Variants in RBFOX1 observed in about 807,000 individuals in gnomAD.
RBFOX1 encodes RNA binding fox-1 homolog 1.
Under a neutral mutation model 57.7 loss-of-function variants are expected in RBFOX1, and 8 were observed. The ratio of observed to expected loss-of-function variants is 0.14; its 90% confidence interval spans 0.08 to 0.25. RBFOX1 has a LOEUF of 0.25. RBFOX1 is among the 10% of genes least tolerant of loss of function. The probability of loss-of-function intolerance (pLI) is 1.00; values close to 1 mark genes in which losing one functional copy is unlikely to be tolerated. For synonymous variants in RBFOX1, 326 were observed against 222.4 expected (o/e 1.47, Z -4.15); for missense variants, 611 against 548.5 (o/e 1.11, Z -1.14).
chr16:6,995,544 C>G (rs541714039), intron 3 of RBFOX1, among the ~76,000 whole-genome samples: 1 of 152,180 alleles, frequency 6.6e-6, no homozygotes, highest in South Asian at 2.1e-4. Context: ...GAGGGTGGAT[C>G]ACCTTAGGTC....
At chr16:5,786,647 C>T (rs1567540681) in intron 3 of RBFOX1, among the ~76,000 whole-genome samples, 1 of 152,164 alleles carries the variant, frequency 6.6e-6, no homozygotes, top group Non-Finnish European at 1.5e-5. Flanking sequence ...CTTAGCATGC[C>T]CACTGCCCTC....
intron 4 of RBFOX1, among the ~76,000 whole-genome samples, chr16:5,905,970 C>A (rs779313973): frequency 5.9e-5 from 9 of 152,156 alleles, no homozygotes; most frequent in Non-Finnish European, 1.2e-4. Flanking sequence ...CAAAGCCCTA[C>A]CTTAGGATGT....
At chr16:5,891,686 G>A (rs533934179) in intron 4 of RBFOX1, among the ~76,000 whole-genome samples, 5 of 152,276 alleles carry the variant, frequency 3.3e-5, no homozygotes, top group Admixed American at 1.3e-4. Flanking sequence ...GCAGAGACTG[G>A]ACTCATGAAG....
intron 2 of RBFOX1, among the ~76,000 whole-genome samples, chr16:6,461,599 A>T (rs2094923092): frequency 6.6e-6 from 1 of 152,224 alleles, no homozygotes; most frequent in African/African-American, 2.4e-5. Flanking sequence ...TGTGATGTGG[A>T]ATTTTAACTT....
chr16:6,200,278 C>T (rs1273261632), intron 1 of RBFOX1, among the ~76,000 whole-genome samples: 1 of 152,192 alleles, frequency 6.6e-6, no homozygotes, highest in East Asian at 1.9e-4. Flanking sequence ...TGGACGGTCT[C>T]TCTGCATCCC....
At chr16:5,532,796 G>C (rs1163119628) in intron 2 of RBFOX1, among the ~76,000 whole-genome samples, 1 of 152,146 alleles carries the variant, frequency 6.6e-6, no homozygotes, top group East Asian at 1.9e-4. Flanking sequence ...TGGGGTGGTG[G>C]GTTGTGAGGC....
intron 3 of RBFOX1, among the ~76,000 whole-genome samples, chr16:5,754,426 C>G (rs1346241282): frequency 6.6e-6 from 1 of 151,666 alleles, no homozygotes; most frequent in Non-Finnish European, 1.5e-5. Flanking sequence ...GTGGGTGTTT[C>G]TCGTAAGGTG....
intron 4 of RBFOX1, among the ~76,000 whole-genome samples, chr16:7,434,214 A>G (rs957422980): frequency 6.6e-6 from 1 of 152,102 alleles, no homozygotes; most frequent in Non-Finnish European, 1.5e-5. Context: ...GCTCACGGCT[A>G]TAATCCCCGC....
intron 2 of RBFOX1, among the ~76,000 whole-genome samples, chr16:6,548,103 T>C (rs566828204): frequency 2.3e-4 from 35 of 152,324 alleles, no homozygotes; most frequent in African/African-American, 8.4e-4. Flanking sequence ...GATACACATA[T>C]TTCACATACT....
intron 3 of RBFOX1, among the ~76,000 whole-genome samples, chr16:6,842,292 C>G (rs1475317146): frequency 6.6e-6 from 1 of 150,416 alleles, no homozygotes; most frequent in Non-Finnish European, 1.5e-5. Flanking sequence ...ATAAAAACAA[C>G]TTTCTTAATT....
chr16:5,552,494 T>G (rs1157393391), intron 2 of RBFOX1, among the ~76,000 whole-genome samples: 1 of 152,312 alleles, frequency 6.6e-6, no homozygotes, highest in East Asian at 1.9e-4. Context: ...CAGGAAAGTT[T>G]AGTAACTTAC....
At chr16:6,680,294 T>A (rs12922737) in intron 3 of RBFOX1, among the ~76,000 whole-genome samples, 4 of 103,032 alleles carry the variant, frequency 3.9e-5, no homozygotes, top group South Asian at 3.5e-4. Flanking sequence ...TTTTTTTTTT[T>A]ATTTGTCGCC....
Position 6,431,484 on chromosome 16 carries a change from C to G in RBFOX1, c.-64+114427C>G, listed in dbSNP as rs117308445. 9.6e-3 allele frequency among the ~76,000 whole-genome samples: 1,460 copies of G among 152,064 alleles called. 20 individuals carry two copies. Among genetic ancestry groups the G allele is most frequent in the Non-Finnish European group, 0.015 (1,001 of 68,016 alleles). ...CACGTGGTACTTCTCAACAGGCAGA[C>G]CAGGTATCTGAGTAAATGTCTGCTC... is the stretch of plus-strand genomic sequence containing the variant. On this transcript the variant is annotated intron_variant, in intron 2 of 15. Transcript: ENST00000550418.
chr16:7,239,927 A>C (rs17142936), intron 4 of RBFOX1, among the ~76,000 whole-genome samples: 2,520 of 152,306 alleles, frequency 0.017, 59 homozygotes, highest in African/African-American at 0.057. Context: ...TTTCAATTGT[A>C]ATCAAATTCC....
intron 2 of RBFOX1, among the ~76,000 whole-genome samples, chr16:6,370,856 C>T (rs1431410213): frequency 2.0e-5 from 3 of 152,122 alleles, no homozygotes; most frequent in African/African-American, 4.8e-5. Flanking sequence ...TATTTTGCTA[C>T]AATTTTTTAC....
intron 2 of RBFOX1, among the ~76,000 whole-genome samples, chr16:6,515,977 G>A (rs992406182): frequency 6.6e-6 from 1 of 152,098 alleles, no homozygotes; most frequent in Non-Finnish European, 1.5e-5. Flanking sequence ...CCTGAACCCT[G>A]TATTTAGACT....
chr16:7,170,809 G>T (rs1038694468), intron 4 of RBFOX1, among the ~76,000 whole-genome samples: 1 of 152,170 alleles, frequency 6.6e-6, no homozygotes, highest in Non-Finnish European at 1.5e-5. Context: ...GGTGGTGACA[G>T]AGCTTCCACT....
At chr16:5,624,261 C>A (rs140248656) in intron 3 of RBFOX1, among the ~76,000 whole-genome samples, 1 of 152,192 alleles carries the variant, frequency 6.6e-6, no homozygotes, top group African/African-American at 2.4e-5. Flanking sequence ...GTGGTGTGAT[C>A]TAGGCTCACT....
intron 4 of RBFOX1, among the ~76,000 whole-genome samples, chr16:7,455,827 T>C (rs1428884474): frequency 6.6e-6 from 1 of 151,522 alleles, no homozygotes; most frequent in African/African-American, 2.4e-5. Context: ...AAAAACTGAT[T>C]CACATTTCAA....
Sources: gnomAD v4.1 joint callset for allele counts (sites outside exome capture counted in the v4.1 genomes callset) on GRCh38, gnomAD v4.1.1 for gene constraint, MANE v1.5 for transcripts, NCBI Gene and HGNC (gene_info 2026-07-23, HGNC 2026-07-21) for gene names.